MYO5B: variants seen among roughly 807,000 people sequenced by gnomAD.
The protein encoded by MYO5B is unconventional myosin-Vb.
In MYO5B, 143 loss-of-function variants were observed where a neutral mutation model predicts 229.3. That is an observed-to-expected ratio of 0.62 (90% CI 0.54 to 0.72). The LOEUF (loss-of-function observed/expected upper bound fraction) is 0.72, where lower values mean the gene tolerates loss of function less well. MYO5B is among the 30% of genes least tolerant of loss of function. The pLI is 0.00. For missense variants in MYO5B, 2,321 were observed against 2,331.0 expected (o/e 1.00, Z 0.09); for synonymous variants, 918 against 885.2 (o/e 1.04, Z -0.66).
Position 49,879,551 on chromosome 18 carries a change from T to C in MYO5B, c.3131-461A>G, listed in dbSNP as rs146038780. 3.0e-4 allele frequency: 64 copies of C among 215,852 alleles called. No individual in the cohort carries two copies. The East Asian group carries it at 6.6e-3, about 22-fold the overall frequency. 13.4% of individuals were successfully genotyped at this position (215,852 alleles called of 1,614,324 possible). A position where few individuals can be genotyped will look rare whatever the true frequency, so the allele number is the denominator to read the frequency against. Reference sequence around the variant, plus strand: ...TGGGCTACTTCCCTGCCAAAACTTATTCACATTAACGGACAGAAAAGTGTT... The same window carrying C: ...TGGGCTACTTCCCTGCCAAAACTTACTCACATTAACGGACAGAAAAGTGTT... On this transcript the variant is annotated intron_variant, in intron 23 of 39. Coordinates refer to ENST00000285039, the MANE Select transcript of MYO5B (RefSeq NM_001080467.3).
intron 1 of MYO5B, among the ~76,000 whole-genome samples, chr18:50,099,517 C>T (rs890264296): frequency 3.3e-5 from 5 of 152,284 alleles, no homozygotes; most frequent in East Asian, 1.9e-4. Context: ...AGATGCAAAG[C>T]CAGCCAGTCA....
chr18:49,908,041 C>T (rs1264572144), intron 18 of MYO5B, among the ~76,000 whole-genome samples: 1 of 152,214 alleles, frequency 6.6e-6, no homozygotes, highest in African/African-American at 2.4e-5. Flanking sequence ...GTAGCTAAGC[C>T]CCTGAGTCAG....
At chr18:50,017,219 G>A (rs1296617270) in intron 4 of MYO5B, among the ~76,000 whole-genome samples, 1 of 152,182 alleles carries the variant, frequency 6.6e-6, no homozygotes, top group Admixed American at 6.6e-5. Context: ...CTGGGCTCAA[G>A]TGATTCTCCC....
intron 32 of MYO5B, among the ~76,000 whole-genome samples, chr18:49,848,599 A>T (rs1360543087): frequency 6.6e-6 from 1 of 152,264 alleles, no homozygotes; most frequent in African/African-American, 2.4e-5. Context: ...AGTGCTGTGA[A>T]AAAACAGGAC....
At chr18:49,849,841 T>G (rs2024177311) in intron 31 of MYO5B, 181 bp from the exon 32 acceptor site, 1 of 659,608 alleles carries the variant, frequency 1.5e-6, no homozygotes, top group Non-Finnish European at 2.8e-6. Context: ...GCTCTGGAAC[T>G]CAGGAAGTGG....
intron 2 of MYO5B, among the ~76,000 whole-genome samples, chr18:50,043,352 A>G (rs9952594): frequency 1.1e-5 from 1 of 89,430 alleles, no homozygotes; most frequent in Non-Finnish European, 2.2e-5. Flanking sequence ...TATTATATAT[A>G]ATATAAATAT....
At chr18:49,968,592 C>A (rs557806005) in intron 10 of MYO5B, among the ~76,000 whole-genome samples, 1 of 152,054 alleles carries the variant, frequency 6.6e-6, no homozygotes, top group Non-Finnish European at 1.5e-5. Context: ...TTCAGGCCCC[C>A]CAATAAACTT....
At chr18:50,089,516 T>G (rs985290133) in intron 1 of MYO5B, among the ~76,000 whole-genome samples, 3 of 151,808 alleles carry the variant, frequency 2.0e-5, no homozygotes, top group Non-Finnish European at 4.4e-5. Context: ...AGTGAGAGAT[T>G]TGCTTGAGCC....
chr18:50,123,823 G>A (rs1705533), intron 1 of MYO5B, among the ~76,000 whole-genome samples: 93,161 of 152,032 alleles, frequency 0.61, 28,674 homozygotes, highest in Admixed American at 0.69. Flanking sequence ...CCTGCTACAC[G>A]TAAAACACCA....
intron 4 of MYO5B, among the ~76,000 whole-genome samples, chr18:50,008,164 G>A (rs1031230986): frequency 7.9e-5 from 12 of 152,122 alleles, no homozygotes; most frequent in Non-Finnish European, 5.9e-5. Flanking sequence ...AATATGTATT[G>A]GGGTCATCAG....
At chr18:50,175,461 G>C (rs1264545803) in intron 1 of MYO5B, among the ~76,000 whole-genome samples, 7 of 152,170 alleles carry the variant, frequency 4.6e-5, no homozygotes, top group Admixed American at 4.6e-4. Flanking sequence ...GTAAAAGCTT[G>C]ATGATTTCTG....
chr18:49,976,610 T>C (rs1431414353), intron 9 of MYO5B, among the ~76,000 whole-genome samples: 2 of 152,248 alleles, frequency 1.3e-5, no homozygotes, highest in African/African-American at 2.4e-5. Flanking sequence ...TCTAATCCGA[T>C]GTCCCTTACT....
chr18:49,831,122 C>T (rs1273409622), intron 39 of MYO5B, among the ~76,000 whole-genome samples: 1 of 152,080 alleles, frequency 6.6e-6, no homozygotes, highest in Non-Finnish European at 1.5e-5. Flanking sequence ...GGACATTCAC[C>T]TTATACCATA....
chr18:49,991,034 G>A (rs902378980), intron 6 of MYO5B, among the ~76,000 whole-genome samples: 17 of 152,028 alleles, frequency 1.1e-4, no homozygotes, highest in Non-Finnish European at 1.5e-5. Context: ...CGGTGGGGTG[G>A]GTGTGGGGGT....
At chr18:50,031,978 C>T (rs938206445) in intron 4 of MYO5B, among the ~76,000 whole-genome samples, 1 of 152,186 alleles carries the variant, frequency 6.6e-6, no homozygotes, top group South Asian at 2.1e-4. Context: ...ACTTGGTTAA[C>T]CCACGGTTTC....
intron 1 of MYO5B, among the ~76,000 whole-genome samples, chr18:50,090,998 A>G (rs1226588409): frequency 2.0e-5 from 3 of 152,226 alleles, no homozygotes. Flanking sequence ...ACATGTTTCT[A>G]TGAAGAAGTT....
chr18:50,158,292 A>C (rs1414350406), intron 1 of MYO5B, among the ~76,000 whole-genome samples: 1 of 152,142 alleles, frequency 6.6e-6, no homozygotes, highest in Non-Finnish European at 1.5e-5. Context: ...AGATCCCTGG[A>C]TCTCCCAATG....
At chr18:49,945,057 C>T (rs566354620) in intron 14 of MYO5B, among the ~76,000 whole-genome samples, 29 of 152,342 alleles carry the variant, frequency 1.9e-4, no homozygotes, top group Admixed American at 6.5e-4. Context: ...TGACACTTAG[C>T]AGTTCTGCTT....
In MYO5B at chr18:49,836,704, A is replaced by T. The variant is rs754997640; in HGVS notation, c.5313+7T>A. 6.2e-7 allele frequency: 1 copy of T among 1,613,882 alleles called. No individual in the cohort carries two copies. Among genetic ancestry groups the T allele is most frequent in the Non-Finnish European group, 8.5e-7 (1 of 1,179,846 alleles). ...ACCATGTTGACAGAGGTGCAAAGTG[A>T]CTGTACCTGCTGGGTGCTGAGGGAG... On this transcript the variant is annotated splice_region_variant and intron_variant, in intron 38 of 39. Coordinates refer to ENST00000285039, the MANE Select transcript of MYO5B (RefSeq NM_001080467.3).
Sources: gnomAD v4.1 joint callset for allele counts (sites outside exome capture counted in the v4.1 genomes callset) on GRCh38, gnomAD v4.1.1 for gene constraint, MANE v1.5 for transcripts, NCBI Gene and HGNC (gene_info 2026-07-23, HGNC 2026-07-21) for gene names.